SYDE2: variants seen among roughly 807,000 people sequenced by gnomAD.
SYDE2 encodes the protein rho GTPase-activating protein SYDE2.
A neutral mutation model predicts 91.5 loss-of-function variants in SYDE2; 76 were observed. The observed-to-expected ratio is 0.83, with a 90% CI of 0.69 to 1.01. SYDE2 has a LOEUF of 1.01. Ranked by LOEUF, SYDE2 falls within the 50% of genes least tolerant of loss-of-function variation. SYDE2 has a pLI of 0.00. For synonymous variants in SYDE2, 513 were observed against 506.4 expected, an observed-to-expected ratio of 1.01 and a Z score of -0.18; for missense variants, 1,364 against 1,367.7, an observed-to-expected ratio of 1.00 and a Z score of 0.04.
At position 85,189,889 on chromosome 1, in the gene SYDE2, C is replaced by T. The variant is rs1042810592; in HGVS notation, c.1441+168G>A. Among the ~76,000 whole-genome samples, 18 of 152,022 alleles carry T rather than the reference C, an allele frequency of 1.2e-4. No individual in the cohort carries two copies. The East Asian group carries it at 1.5e-3, about 13-fold the overall frequency. On this transcript the variant is annotated intron_variant, in intron 2 of 6. Coordinates refer to ENST00000341460, the MANE Select transcript of SYDE2 (RefSeq NM_032184.2). ...ATAGTAATAATTAAACCAGCGTGTA[C>T]GTTAAAATGTTTATAAAACTTTTTG...
chr1:85,182,320 C>CT lies in SYDE2; in HGVS notation c.2321dup (p.Thr775AspfsTer9), dbSNP rs1186703414. ...CAAGTTTGACAGCCAACTGATGAGT[C>CT]TTTGTCACTCTAAATAAGGTGGGAA... On this transcript the variant is annotated frameshift_variant, in exon 3 of 7. Transcript: ENST00000341460. LOFTEE classifies it high-confidence loss of function. The CT allele has an allele frequency of 6.2e-7, 1 of 1,613,852 alleles. No homozygotes were observed. The highest frequency in any genetic ancestry group is 1.1e-5 in the South Asian group (1 of 91,060).
At chr1:85,189,001 T>G (rs1658258577) in intron 2 of SYDE2, among the ~76,000 whole-genome samples, 1 of 152,230 alleles carries the variant, frequency 6.6e-6, no homozygotes, top group African/African-American at 2.4e-5. Flanking sequence ...CATTTGATAT[T>G]TGCAAGCAAA....
intron 4 of SYDE2, among the ~76,000 whole-genome samples, chr1:85,173,209 CAG>C (rs1202051792): frequency 6.6e-6 from 1 of 151,956 alleles, no homozygotes; most frequent in Admixed American, 6.6e-5. Flanking sequence ...ATGGGGGACA[CAG>C]AGAGAGAGCA....
At position 85,182,324 on chromosome 1, in the gene SYDE2, G is replaced by C; in HGVS notation, c.2318C>G (p.Thr773Arg). ...TTTGACAGCCAACTGATGAGTCTTT[G>C]TCACTCTAAATAAGGTGGGAAGAAC... ...TVVLPTLFRV[T>R]KTHQLAVKLE... Residue 773 changes from threonine (T) to arginine (R), a missense_variant, in exon 3 of 7, where the codon ACA (threonine) becomes AGA (arginine). Thr to Arg is a moderately conservative substitution (Grantham distance 71). Coordinates refer to ENST00000341460, the MANE Select transcript of SYDE2 (RefSeq NM_032184.2). 1 of 1,613,858 alleles carries C rather than the reference G, an allele frequency of 6.2e-7. No homozygotes were observed. The highest frequency in any genetic ancestry group is 8.5e-7 in the Non-Finnish European group (1 of 1,179,832).
chr1:85,170,595 T>C (rs1657466372), intron 4 of SYDE2, among the ~76,000 whole-genome samples: 1 of 152,246 alleles, frequency 6.6e-6, no homozygotes, highest in African/African-American at 2.4e-5. Context: ...TTCTGGATTT[T>C]TGATTTTTGG....
At position 85,200,771 on chromosome 1, in the gene SYDE2, T is replaced by A. The variant is rs1658800742; in HGVS notation, c.226A>T (p.Thr76Ser). 2 of 1,519,432 alleles carry A rather than the reference T, an allele frequency of 1.3e-6. No individual in the cohort carries two copies. The highest frequency in any genetic ancestry group is 2.2e-4 in the Middle Eastern group (1 of 4,544). 94.1% of individuals were successfully genotyped at this position (1,519,432 alleles called of 1,614,324 possible). A position where few individuals can be genotyped will look rare whatever the true frequency, so the allele number is the denominator to read the frequency against. Residue 76 changes from threonine (T) to serine (S), a missense_variant, in exon 1 of 7, where the codon ACT (threonine) becomes TCT (serine). Coordinates refer to ENST00000341460, the MANE Select transcript of SYDE2 (RefSeq NM_032184.2). ...QREPRGGQLR[T>S]PRMRPSCSRS... ...CTGCAGGACGGCCGCATCCGAGGAGTCCGCAGCTGGCCTCCCCGCGGCTCC... is the reference window on the plus strand; with the variant it reads ...CTGCAGGACGGCCGCATCCGAGGAGACCGCAGCTGGCCTCCCCGCGGCTCC...
intron 2 of SYDE2, among the ~76,000 whole-genome samples, chr1:85,187,989 T>A (rs1349608007): frequency 6.6e-6 from 1 of 151,934 alleles, no homozygotes; most frequent in Non-Finnish European, 1.5e-5. Context: ...TGTGCACATG[T>A]ACCCTAAAAC....
At chr1:85,177,951 G>A (rs1369394174) in intron 4 of SYDE2, among the ~76,000 whole-genome samples, 195 bp downstream of exon 4, 1 of 152,102 alleles carries the variant, frequency 6.6e-6, no homozygotes, top group Non-Finnish European at 1.5e-5. Context: ...CCTTCATCAT[G>A]TCAGCTGTTT....
At chr1:85,187,493 T>G (rs1658192238) in intron 2 of SYDE2, among the ~76,000 whole-genome samples, 1 of 151,594 alleles carries the variant, frequency 6.6e-6, no homozygotes, top group Non-Finnish European at 1.5e-5. Flanking sequence ...AAATACCATT[T>G]GACCCAGCCA....
chr1:85,173,269 T>A (rs1319349632), intron 4 of SYDE2, among the ~76,000 whole-genome samples: 1 of 151,854 alleles, frequency 6.6e-6, no homozygotes, highest in African/African-American at 2.4e-5. Flanking sequence ...GATAGAGTAT[T>A]GGAGTTATGC....
At chr1:85,200,225 T>C (rs758397163) in intron 1 of SYDE2, 27 bp downstream of exon 1, 38 of 1,613,496 alleles carry the variant, frequency 2.4e-5, no homozygotes, top group South Asian at 2.2e-5. Flanking sequence ...CTCGCGGTGC[T>C]AGCATTTTCA....
At position 85,190,291 on chromosome 1, in the gene SYDE2, T is replaced by C. The variant is rs1658315427; in HGVS notation, c.1207A>G (p.Asn403Asp). 1.3e-5 allele frequency: 21 copies of C among 1,613,842 alleles called. No individual in the cohort carries two copies. The highest frequency in any genetic ancestry group is 1.7e-5 in the Non-Finnish European group (20 of 1,179,902). Reference protein sequence around the residue: ...DSAVLKLPAVNLSMLSGSDLM... With the variant: ...DSAVLKLPAVDLSMLSGSDLM... ...TCACTGCCAGACAACATGCTCAAAT[T>C]GACAGCAGGGAGCTTCAGAACAGCA... Residue 403 changes from asparagine to aspartate, a missense_variant, in exon 2 of 7, where the codon AAT (asparagine) becomes GAT (aspartate). Coordinates refer to ENST00000341460, the MANE Select transcript of SYDE2 (RefSeq NM_032184.2).
intron 1 of SYDE2, among the ~76,000 whole-genome samples, chr1:85,197,884 G>C (rs1658653786): frequency 1.3e-5 from 2 of 152,070 alleles, no homozygotes; most frequent in South Asian, 2.1e-4. Flanking sequence ...TCGATCTCCT[G>C]ACCTCGTGAT....
intron 6 of SYDE2, chr1:85,160,989 A>C (rs1367811618): frequency 4.3e-5 from 42 of 980,946 alleles, no homozygotes; most frequent in Non-Finnish European, 4.8e-5. Context: ...TCAATTTCTG[A>C]AAAACCAACA....
intron 2 of SYDE2, among the ~76,000 whole-genome samples, chr1:85,184,862 C>G (rs116442849): frequency 0.029 from 4,159 of 145,576 alleles, 86 homozygotes; most frequent in African/African-American, 0.057. Context: ...CCCTGGGAAA[C>G]ACAGAGATAC....
At chr1:85,189,813 T>C (rs1374371622) in intron 2 of SYDE2, among the ~76,000 whole-genome samples, 3 of 152,140 alleles carry the variant, frequency 2.0e-5, no homozygotes, top group Non-Finnish European at 1.5e-5. Flanking sequence ...CTAGCCTGGG[T>C]GACAGAGTGA....
intron 6 of SYDE2, among the ~76,000 whole-genome samples, chr1:85,161,559 C>G (rs1416573395): frequency 1.3e-5 from 2 of 151,882 alleles, no homozygotes; most frequent in Non-Finnish European, 2.9e-5. Flanking sequence ...AACCCCATCT[C>G]TACTAAAAAT....
chr1:85,178,087 T>C, intron 4 of SYDE2, 59 bp downstream of exon 4: 2 of 1,343,196 alleles, frequency 1.5e-6, no homozygotes, highest in South Asian at 2.7e-5. Flanking sequence ...ATTTCAGTTA[T>C]CTTTCTTGCA....
At chr1:85,196,640 GCAC>G (rs1262153115) in intron 1 of SYDE2, among the ~76,000 whole-genome samples, 4 of 149,360 alleles carry the variant, frequency 2.7e-5, no homozygotes, top group Admixed American at 1.3e-4. Context: ...TTGCTTTCTA[GCAC>G]CACAATAGCA....
Sources: allele counts gnomAD v4.1 joint callset (sites outside exome capture counted in the v4.1 genomes callset), GRCh38; gene constraint gnomAD v4.1.1; transcripts MANE v1.5; gene names NCBI Gene and HGNC (gene_info 2026-07-23, HGNC 2026-07-21).